GPHN: variants seen among roughly 807,000 people sequenced by gnomAD.
GPHN encodes gephyrin.
A neutral mutation model predicts 95.5 loss-of-function variants in GPHN; 17 were observed. That is an observed-to-expected ratio of 0.18 (90% confidence interval 0.12 to 0.27). The LOEUF (loss-of-function observed/expected upper bound fraction) is 0.27, where lower values mean the gene tolerates loss of function less well. Ranked by LOEUF, GPHN falls within the 10% of genes least tolerant of loss-of-function variation. The pLI, the probability that GPHN is intolerant of heterozygous loss-of-function variation, is 1.00. For missense variants in GPHN, 660 were observed against 978.1 expected, an observed-to-expected ratio of 0.67 and a Z score of 4.34; for synonymous variants, 320 against 322.5, an observed-to-expected ratio of 0.99 and a Z score of 0.08.
the GPHN span, among the ~76,000 whole-genome samples, chr14:67,450,573 G>C: frequency 6.6e-6 from 1 of 152,176 alleles, no homozygotes; most frequent in East Asian, 1.9e-4. Context: ...TCTTAGTAAA[G>C]AGAATGGTGG....
chr14:67,066,736 T>C (rs1007987597), intron 11 of GPHN, among the ~76,000 whole-genome samples: 1 of 152,234 alleles, frequency 6.6e-6, no homozygotes, highest in Non-Finnish European at 1.5e-5. Context: ...TTGAAGCTAG[T>C]GCATGCCTCC....
At chr14:66,972,207 G>T (rs1269487740) in intron 9 of GPHN, among the ~76,000 whole-genome samples, 1 of 149,258 alleles carries the variant, frequency 6.7e-6, no homozygotes, top group Non-Finnish European at 1.5e-5. Flanking sequence ...GGTGGAGGCT[G>T]CAGTGAGCCG....
chr14:66,591,901 A>G (rs979059580), intron 1 of GPHN, among the ~76,000 whole-genome samples: 2 of 152,236 alleles, frequency 1.3e-5, no homozygotes, highest in African/African-American at 4.8e-5. Context: ...CCTGAATTCA[A>G]ACTGTACTAC....
At chr14:67,690,280 C>G in the GPHN span, 1 of 1,614,144 alleles carries the variant, frequency 6.2e-7, no homozygotes, top group South Asian at 1.1e-5. Flanking sequence ...GTAGGCCAGG[C>G]CTGCATTGTA....
the GPHN span, among the ~76,000 whole-genome samples, chr14:67,408,350 A>AAAATC: frequency 6.9e-6 from 1 of 144,574 alleles, no homozygotes; most frequent in Non-Finnish European, 1.5e-5. Context: ...AAAATAAAAT[A>AAAATC]AAATAAAAAA....
chr14:67,342,205 TAAATAAATA>T, the GPHN span, among the ~76,000 whole-genome samples: 2 of 140,788 alleles, frequency 1.4e-5, no homozygotes, highest in Admixed American at 7.2e-5. Flanking sequence ...AATAAATAAA[TAAATAAATA>T]AAATAAAATA....
the GPHN span, among the ~76,000 whole-genome samples, chr14:67,306,611 C>T: frequency 2.0e-5 from 3 of 150,160 alleles, no homozygotes; most frequent in Admixed American, 6.6e-5. Flanking sequence ...TCTGATGATC[C>T]GCCCACCTTG....
the GPHN span, chr14:67,586,069 AGTT>A: frequency 6.2e-7 from 1 of 1,614,000 alleles, no homozygotes; most frequent in Non-Finnish European, 8.5e-7. Flanking sequence ...CACATTGAGA[AGTT>A]GATCTTCCGG....
At chr14:67,193,137 G>A in the GPHN span, among the ~76,000 whole-genome samples, 20,544 of 127,776 alleles carry the variant, frequency 0.16, 3,366 homozygotes, top group East Asian at 0.42. Context: ...TCTCTATATA[G>A]ACATCTATCT....
At chr14:66,976,291 G>A (rs1169190351) in intron 9 of GPHN, among the ~76,000 whole-genome samples, 2 of 152,138 alleles carry the variant, frequency 1.3e-5, no homozygotes, top group Non-Finnish European at 2.9e-5. Flanking sequence ...AAGAAATTGT[G>A]AAATTAAGAA....
intron 1 of GPHN, among the ~76,000 whole-genome samples, chr14:66,512,412 G>A (rs531304350): frequency 2.6e-5 from 4 of 151,876 alleles, no homozygotes; most frequent in East Asian, 1.9e-4. Context: ...ACTGAATATC[G>A]TATTAGTTCG....
At chr14:67,646,683 A>G in the GPHN span, 3 of 1,613,812 alleles carry the variant, frequency 1.9e-6, no homozygotes, top group South Asian at 2.2e-5. Context: ...CAAACCTTGT[A>G]TCTCTTCTGC....
the GPHN span, among the ~76,000 whole-genome samples, chr14:67,309,006 A>T: frequency 6.7e-6 from 1 of 148,816 alleles, no homozygotes; most frequent in African/African-American, 2.4e-5. Context: ...TATAGATATT[A>T]AAAAAAGGAA....
the GPHN span, among the ~76,000 whole-genome samples, chr14:67,330,092 T>C: frequency 6.7e-6 from 1 of 150,332 alleles, no homozygotes; most frequent in Non-Finnish European, 1.5e-5. Context: ...AATGCTCTGC[T>C]GTCTGTCAGA....
chr14:67,194,599 G>A, the GPHN span, among the ~76,000 whole-genome samples: 137 of 152,114 alleles, frequency 9.0e-4, 3 homozygotes, highest in Admixed American at 3.7e-3. Flanking sequence ...TCCGCCTCCC[G>A]GGTTCAAGAG....
the GPHN span, among the ~76,000 whole-genome samples, chr14:67,425,358 C>G: frequency 1.3e-5 from 2 of 152,160 alleles, no homozygotes; most frequent in Non-Finnish European, 2.9e-5. Flanking sequence ...CAAGACCAGT[C>G]TGGGCAACAT....
chr14:67,630,033 C>T, the GPHN span, among the ~76,000 whole-genome samples: 11 of 152,208 alleles, frequency 7.2e-5, no homozygotes, highest in African/African-American at 2.7e-4. Flanking sequence ...TTCCTTCCCA[C>T]ATTTCCCACC....
chr14:67,724,440 G>T, the GPHN span: 2 of 1,275,508 alleles, frequency 1.6e-6, no homozygotes, highest in South Asian at 1.2e-5. Flanking sequence ...CGTGAAGGAT[G>T]GTACGTGATG....
At chr14:67,355,578 T>C in the GPHN span, among the ~76,000 whole-genome samples, 910 of 151,642 alleles carry the variant, frequency 6.0e-3, 9 homozygotes, top group Non-Finnish European at 7.6e-3. Context: ...CACTTTAGAT[T>C]GGGTGATCAG....
Sources: allele counts gnomAD v4.1 joint callset (sites outside exome capture counted in the v4.1 genomes callset), GRCh38; gene constraint gnomAD v4.1.1; transcripts MANE v1.5; gene names NCBI Gene and HGNC (gene_info 2026-07-23, HGNC 2026-07-21).